SOX5: variants seen among roughly 807,000 people sequenced by gnomAD.
SOX5 encodes transcription factor SOX-5.
SOX5 carries 9 observed loss-of-function variants against 92.0 expected under a neutral mutation model. That is an observed-to-expected ratio of 0.10 (90% CI 0.06 to 0.17). The LOEUF (loss-of-function observed/expected upper bound fraction) is 0.17. Ranked by LOEUF, SOX5 falls within the 10% of genes least tolerant of loss-of-function variation. The pLI is 1.00. For synonymous variants in SOX5, 344 were observed against 336.3 expected (o/e 1.02, Z -0.25); for missense variants, 642 against 944.5 (o/e 0.68, Z 4.20).
chr12:24,552,957 G>C (rs185345254), intron 1 of SOX5, among the ~76,000 whole-genome samples: 1 of 152,190 alleles, frequency 6.6e-6, no homozygotes, highest in Non-Finnish European at 1.5e-5. Flanking sequence ...ACTTGAGCTC[G>C]GGCAGTTGAG....
At chr12:24,206,665 A>G (rs1958050835) in intron 4 of SOX5, among the ~76,000 whole-genome samples, 1 of 152,002 alleles carries the variant, frequency 6.6e-6, no homozygotes, top group Non-Finnish European at 1.5e-5. Context: ...CTTCTGTTCA[A>G]TACTGGTTTC....
chr12:24,412,012 G>GT (rs1294270959), intron 1 of SOX5, among the ~76,000 whole-genome samples: 1 of 152,072 alleles, frequency 6.6e-6, no homozygotes, highest in Non-Finnish European at 1.5e-5. Flanking sequence ...AGCAGTTCAT[G>GT]TTTTTTGAGG....
intron 6 of SOX5, among the ~76,000 whole-genome samples, chr12:23,667,112 T>C (rs1312926842): frequency 6.6e-6 from 1 of 151,586 alleles, no homozygotes; most frequent in East Asian, 1.9e-4. Flanking sequence ...GAGAAGGCAA[T>C]GTGTGTGTGG....
intron 9 of SOX5, among the ~76,000 whole-genome samples, chr12:23,589,352 T>G (rs1027653722): frequency 6.6e-6 from 1 of 151,948 alleles, no homozygotes; most frequent in Non-Finnish European, 1.5e-5. Flanking sequence ...ACTCGACTCT[T>G]CAGCAGCTTA....
intron 4 of SOX5, among the ~76,000 whole-genome samples, chr12:24,174,039 C>A (rs749083116): frequency 2.6e-5 from 4 of 151,908 alleles, no homozygotes; most frequent in Non-Finnish European, 5.9e-5. Flanking sequence ...ACTGTGTCAC[C>A]CAGTCTGGAG....
At chr12:23,861,933 A>G (rs926772388) in intron 2 of SOX5, among the ~76,000 whole-genome samples, 1 of 152,220 alleles carries the variant, frequency 6.6e-6, no homozygotes, top group Non-Finnish European at 1.5e-5. Flanking sequence ...GTAAACACAA[A>G]GACAGAATAT....
chr12:23,869,436 CTT>C (rs1023942566), intron 2 of SOX5, among the ~76,000 whole-genome samples: 4 of 152,088 alleles, frequency 2.6e-5, no homozygotes, highest in Non-Finnish European at 4.4e-5. Flanking sequence ...TCCTTCATGA[CTT>C]TGCTTAAATA....
At chr12:23,987,265 G>A (rs192383411) in intron 4 of SOX5, among the ~76,000 whole-genome samples, 80 of 152,256 alleles carry the variant, frequency 5.3e-4, no homozygotes, top group East Asian at 2.5e-3. Flanking sequence ...TAGATTGTGC[G>A]GTCAGAGATG....
chr12:24,259,224 G>A (rs1422314170), intron 3 of SOX5, among the ~76,000 whole-genome samples: 1 of 152,144 alleles, frequency 6.6e-6, no homozygotes, highest in African/African-American at 2.4e-5. Flanking sequence ...AAGAGAGCGA[G>A]CGAGAGAGAG....
chr12:23,968,361 A>G (rs1308856551), intron 4 of SOX5, among the ~76,000 whole-genome samples: 1 of 152,178 alleles, frequency 6.6e-6, no homozygotes, highest in Non-Finnish European at 1.5e-5. Context: ...GCCCTCTGCT[A>G]TGGTTTGAAT....
chr12:24,043,542 G>C (rs115340979), intron 4 of SOX5, among the ~76,000 whole-genome samples: 26 of 152,262 alleles, frequency 1.7e-4, no homozygotes, highest in Admixed American at 1.1e-3. Flanking sequence ...GTGTCCAACT[G>C]GTCCAACAGA....
chr12:23,932,306 T>C (rs1941618851), intron 1 of SOX5, among the ~76,000 whole-genome samples: 1 of 151,624 alleles, frequency 6.6e-6, no homozygotes, highest in Admixed American at 6.6e-5. Context: ...GGCAAAGAGA[T>C]GGCAGGGTGC....
At chr12:24,501,065 G>A (rs954212105) in intron 1 of SOX5, among the ~76,000 whole-genome samples, 1 of 152,152 alleles carries the variant, frequency 6.6e-6, no homozygotes, top group African/African-American at 2.4e-5. Flanking sequence ...TGATCTGATT[G>A]ATAAAGTTTC....
intron 4 of SOX5, among the ~76,000 whole-genome samples, chr12:24,008,222 A>C (rs1952530188): frequency 6.6e-6 from 1 of 152,140 alleles, no homozygotes; most frequent in African/African-American, 2.4e-5. Context: ...TTCAGTGTAC[A>C]TTTTGCAGAA....
intron 4 of SOX5, among the ~76,000 whole-genome samples, chr12:24,092,434 T>A (rs957909226): frequency 1.3e-5 from 2 of 152,142 alleles, no homozygotes; most frequent in African/African-American, 4.8e-5. Context: ...TCTCAGTAAG[T>A]GATGCCTCCT....
chr12:24,302,891 T>A (rs1948140733), intron 2 of SOX5, among the ~76,000 whole-genome samples: 1 of 151,922 alleles, frequency 6.6e-6, no homozygotes, highest in African/African-American at 2.4e-5. Flanking sequence ...GAAAATGAAA[T>A]TGCTGACTTC....
chr12:23,641,525 A>G (rs1479458), intron 7 of SOX5, among the ~76,000 whole-genome samples: 112,582 of 152,006 alleles, frequency 0.74, 42,050 homozygotes, highest in South Asian at 0.88. Flanking sequence ...TCCCCCCGAC[A>G]TTTTTTATCT....
At chr12:23,902,574 A>C (rs543323152) in intron 1 of SOX5, among the ~76,000 whole-genome samples, 1 of 134,534 alleles carries the variant, frequency 7.4e-6, no homozygotes, top group East Asian at 2.0e-4. Flanking sequence ...TGCATGCATA[A>C]AAAAATTAAA....
intron 4 of SOX5, among the ~76,000 whole-genome samples, chr12:24,105,672 G>A (rs1282285036): frequency 6.6e-6 from 1 of 152,128 alleles, no homozygotes; most frequent in East Asian, 1.9e-4. Context: ...CATAACATAT[G>A]TAGTTGATAA....
Sources: gnomAD v4.1 joint callset for allele counts (sites outside exome capture counted in the v4.1 genomes callset) on GRCh38, gnomAD v4.1.1 for gene constraint, MANE v1.5 for transcripts, NCBI Gene and HGNC (gene_info 2026-07-23, HGNC 2026-07-21) for gene names.